The following TMEM132C variants were observed in gnomAD, a reference collection of about 807,000 sequenced individuals.
The protein encoded by TMEM132C is transmembrane protein 132C.
Under a neutral mutation model 61.4 loss-of-function variants are expected in TMEM132C, and 29 were observed. That is an observed-to-expected ratio of 0.47 (90% CI 0.35 to 0.64). TMEM132C has a LOEUF of 0.64. TMEM132C is among the 30% of genes least tolerant of loss of function. TMEM132C has a pLI of 0.00. For missense variants in TMEM132C, 1,408 were observed against 1,476.9 expected (o/e 0.95, Z 0.76); for synonymous variants, 656 against 633.1 (o/e 1.04, Z -0.54).
chr12:128,557,119 A>T (rs888591375), intron 3 of TMEM132C, among the ~76,000 whole-genome samples: 3 of 152,214 alleles, frequency 2.0e-5, no homozygotes, highest in Non-Finnish European at 2.9e-5. Context: ...CTCCCCCAAC[A>T]AGGAAGAGAT....
rs192245609 is a variant in TMEM132C, at chr12:128,273,046, T to C, written c.85+5559T>C. 2.6e-5 allele frequency among the ~76,000 whole-genome samples: 4 copies of C among 152,336 alleles called. No homozygotes were observed. In the East Asian group the frequency reaches 7.7e-4, roughly 29 times the overall value. On this transcript the variant is annotated intron_variant, in intron 1 of 8. Transcript: ENST00000435159. The stretch of plus-strand genomic sequence containing the variant: ...TTTTTGGTGTCACATCTAAGGAAGC[T>C]GTGCCTTACCCAAGGCCACAATGAT...
At chr12:128,443,707 G>A (rs1199200916) in intron 2 of TMEM132C, among the ~76,000 whole-genome samples, 2 of 152,038 alleles carry the variant, frequency 1.3e-5, no homozygotes, top group South Asian at 2.1e-4. Context: ...CTGCAGCCTC[G>A]TTTTTCATCC....
chr12:128,394,907 C>CAACAAAA, intron 1 of TMEM132C, among the ~76,000 whole-genome samples: 1 of 132,316 alleles, frequency 7.6e-6, no homozygotes, highest in East Asian at 2.2e-4. Context: ...CCTTATTTTC[C>CAACAAAA]AAAAAAAAAA....
chr12:128,695,353 C>A (rs922420582), intron 6 of TMEM132C, among the ~76,000 whole-genome samples: 1 of 141,872 alleles, frequency 7.0e-6, no homozygotes, highest in African/African-American at 2.5e-5. Context: ...GACCCCATCT[C>A]TACAGAATTT....
At chr12:128,294,752 T>G (rs1871349449) in intron 1 of TMEM132C, among the ~76,000 whole-genome samples, 1 of 152,064 alleles carries the variant, frequency 6.6e-6, no homozygotes, top group African/African-American at 2.4e-5. Flanking sequence ...ATAAGGGCCC[T>G]AATCCCATTC....
intron 2 of TMEM132C, among the ~76,000 whole-genome samples, chr12:128,526,793 G>A (rs1222292483): frequency 6.6e-6 from 1 of 152,140 alleles, no homozygotes; most frequent in Non-Finnish European, 1.5e-5. Context: ...TTCTGGAGGA[G>A]GGAACAGTGA....
intron 2 of TMEM132C, among the ~76,000 whole-genome samples, chr12:128,436,770 A>G (rs1260051998): frequency 6.6e-6 from 1 of 152,212 alleles, no homozygotes; most frequent in Non-Finnish European, 1.5e-5. Flanking sequence ...TAGAAATACC[A>G]TCTGACCCAG....
chr12:128,436,187 A>G lies in TMEM132C; in HGVS notation c.974+20567A>G, dbSNP rs557683031. 8.7e-3 allele frequency among the ~76,000 whole-genome samples: 1,322 copies of G among 152,344 alleles called. 17 individuals are homozygous for G. The highest frequency in any genetic ancestry group is 0.03 in the African/African-American group (1,252 of 41,576). The stretch of plus-strand genomic sequence containing the variant: ...AGACTTAAATGTTAGACCTAAAACC[A>G]TAAAAACCCTAGAAGAAAACCTAGG... On this transcript the variant is annotated intron_variant, in intron 2 of 8. Coordinates refer to ENST00000435159, the MANE Select transcript of TMEM132C (RefSeq NM_001136103.3).
At chr12:128,456,366 CTTTTTTTTTTTTTTTTTTTTTTTTTTTT>C (rs554652054) in intron 2 of TMEM132C, among the ~76,000 whole-genome samples, 3 of 52,446 alleles carry the variant, frequency 5.7e-5, no homozygotes, top group South Asian at 7.6e-4. Flanking sequence ...TCTGATTAGC[CTTTTTTTTTTTTTTTTTTTTTTTTTTTT>C]TTTTTTTTTT....
intron 2 of TMEM132C, among the ~76,000 whole-genome samples, chr12:128,498,831 T>C (rs973387223): frequency 1.3e-5 from 2 of 152,020 alleles, no homozygotes; most frequent in African/African-American, 4.8e-5. Flanking sequence ...GGAAGACTTG[T>C]ACCCTGAAAA....
chr12:128,555,568 C>G (rs1874304624), intron 3 of TMEM132C, among the ~76,000 whole-genome samples: 1 of 152,210 alleles, frequency 6.6e-6, no homozygotes, highest in South Asian at 2.1e-4. Flanking sequence ...TATTGATACA[C>G]AAGTTGTGTG....
intron 1 of TMEM132C, among the ~76,000 whole-genome samples, chr12:128,406,975 C>T (rs903307901): frequency 6.6e-6 from 1 of 152,176 alleles, no homozygotes; most frequent in East Asian, 1.9e-4. Flanking sequence ...CATCATGATA[C>T]CCCATAAGAT....
At chr12:128,331,587 A>C (rs2135945261) in intron 1 of TMEM132C, among the ~76,000 whole-genome samples, 1 of 152,332 alleles carries the variant, frequency 6.6e-6, no homozygotes, top group South Asian at 2.1e-4. Context: ...TTGCTACATA[A>C]AGCATGATTT....
chr12:128,319,341 A>C (rs1872249178), intron 1 of TMEM132C, among the ~76,000 whole-genome samples: 1 of 151,060 alleles, frequency 6.6e-6, no homozygotes, highest in Admixed American at 6.6e-5. Flanking sequence ...CCTCCACTCA[A>C]GATTTGCAGT....
intron 1 of TMEM132C, among the ~76,000 whole-genome samples, chr12:128,366,005 C>T (rs1037871957): frequency 2.0e-5 from 3 of 152,198 alleles, no homozygotes; most frequent in Non-Finnish European, 2.9e-5. Context: ...CAGCTGGATC[C>T]GCGGGCCGTG....
chr12:128,566,189 C>CAAAAAAAAAAAA (rs59258589), intron 3 of TMEM132C, among the ~76,000 whole-genome samples: 30 of 67,826 alleles, frequency 4.4e-4, no homozygotes, highest in African/African-American at 1.2e-3. Flanking sequence ...CAAGCCTAAC[C>CAAAAAAAAAAAA]AAAAAAAAAA....
intron 8 of TMEM132C, among the ~76,000 whole-genome samples, chr12:128,703,982 T>C (rs180785550): frequency 6.6e-5 from 10 of 152,286 alleles, no homozygotes; most frequent in Admixed American, 4.6e-4. Flanking sequence ...TAAGGCCTTC[T>C]GTGGGATTAT....
chr12:128,496,790 G>T (rs949671933), intron 2 of TMEM132C, among the ~76,000 whole-genome samples: 1 of 152,152 alleles, frequency 6.6e-6, no homozygotes. Flanking sequence ...TCTTCCTTTA[G>T]CTCGGAGAAG....
intron 2 of TMEM132C, among the ~76,000 whole-genome samples, chr12:128,456,902 G>T (rs554505759): frequency 1.3e-5 from 2 of 152,214 alleles, no homozygotes; most frequent in South Asian, 2.1e-4. Context: ...CATATAAGTG[G>T]ATTCTTACAT....
Sources: gnomAD v4.1 joint callset for allele counts (sites outside exome capture counted in the v4.1 genomes callset) on GRCh38, gnomAD v4.1.1 for gene constraint, MANE v1.5 for transcripts, NCBI Gene and HGNC (gene_info 2026-07-23, HGNC 2026-07-21) for gene names.